LRGUK: variants seen among roughly 807,000 people sequenced by gnomAD.
The protein encoded by LRGUK is leucine-rich repeat and guanylate kinase domain-containing protein.
Under a neutral mutation model 76.0 loss-of-function variants are expected in LRGUK, and 65 were observed. The observed-to-expected ratio is 0.85, with a 90% CI of 0.70 to 1.05. The LOEUF (loss-of-function observed/expected upper bound fraction) is 1.05. Ranked by LOEUF, LRGUK falls within the 50% of genes least tolerant of loss-of-function variation. LRGUK has a pLI of 0.00. For missense variants in LRGUK, 758 were observed against 732.8 expected (o/e 1.03, Z -0.40); for synonymous variants, 268 against 265.6 (o/e 1.01, Z -0.09).
chr7:134,195,448 A>T (rs1395014384), intron 12 of LRGUK, among the ~76,000 whole-genome samples: 1 of 152,202 alleles, frequency 6.6e-6, no homozygotes, highest in Admixed American at 6.5e-5. Context: ...TAGAAGCAAG[A>T]TGGAGTCAGT....
intron 4 of LRGUK, among the ~76,000 whole-genome samples, chr7:134,146,760 G>C (rs1440941942): frequency 2.0e-5 from 3 of 152,070 alleles, no homozygotes; most frequent in Admixed American, 1.3e-4. Flanking sequence ...AAAGGGTTTA[G>C]TATTTAATGT....
chr7:134,265,048 G>A (rs1243661122), downstream of LRGUK, among the ~76,000 whole-genome samples: 2 of 152,030 alleles, frequency 1.3e-5, no homozygotes, highest in African/African-American at 4.8e-5. Context: ...TTCCTTTCTT[G>A]GGGTTGGTGA....
intron 11 of LRGUK, among the ~76,000 whole-genome samples, chr7:134,184,223 T>C (rs952670338): frequency 5.3e-5 from 8 of 152,156 alleles, no homozygotes; most frequent in Admixed American, 4.6e-4. Context: ...CTCCTGGCAA[T>C]AGAAGAACTT....
chr7:134,231,504 G>GTTCCTTCCTTCCTCCC (rs1346621530), intron 16 of LRGUK, among the ~76,000 whole-genome samples: 4 of 98,230 alleles, frequency 4.1e-5, no homozygotes, highest in African/African-American at 1.2e-4. Context: ...TCCTTCCTTC[G>GTTCCTTCCTTCCTCCC]TTCCTTCCTT....
chr7:134,213,084 C>T (rs898022275), downstream of LRGUK, among the ~76,000 whole-genome samples: 4 of 152,120 alleles, frequency 2.6e-5, no homozygotes, highest in Non-Finnish European at 5.9e-5. Flanking sequence ...AAGAAGGAAC[C>T]ACGTACGCCT....
At chr7:134,153,556 C>T (rs1368041482) in intron 5 of LRGUK, among the ~76,000 whole-genome samples, 1 of 152,050 alleles carries the variant, frequency 6.6e-6, no homozygotes, top group Non-Finnish European at 1.5e-5. Flanking sequence ...ATTTTAGAGA[C>T]CATCTAGTGC....
At chr7:134,242,165 C>T (rs1217237762) in intron 16 of LRGUK, among the ~76,000 whole-genome samples, 1 of 152,028 alleles carries the variant, frequency 6.6e-6, no homozygotes, top group Non-Finnish European at 1.5e-5. Context: ...AGAGCAAACA[C>T]ATTCAAAAGC....
the LRGUK span, among the ~76,000 whole-genome samples, chr7:134,272,136 C>G: frequency 2.0e-5 from 3 of 151,966 alleles, no homozygotes; most frequent in African/African-American, 7.2e-5. Context: ...GTGAAATTTG[C>G]TATAGATTTT....
At chr7:134,183,754 C>A in exon 11 of LRGUK, 1 of 1,614,006 alleles carries the variant, frequency 6.2e-7, no homozygotes, top group South Asian at 1.1e-5. Flanking sequence ...AGCCTGGATG[C>A]CCCTTATCCC....
In LRGUK at chr7:134,192,580, G is replaced by A. The variant is rs1800303019; in HGVS notation, c.1431+829G>A. On this transcript the variant is annotated intron_variant, in intron 12 of 15. Transcript: ENST00000645682. The stretch of plus-strand genomic sequence containing the variant: ...AAAACAACTTATATGTTCCTTCTTG[G>A]CCTTCACATACAAAGGGAACCCTCA... 2.0e-5 allele frequency among the ~76,000 whole-genome samples: 3 copies of A among 151,970 alleles called. No homozygotes were observed. The South Asian group carries it at 6.2e-4, about 32-fold the overall frequency.
chr7:134,207,097 G>A (rs1801040751), intron 15 of LRGUK, among the ~76,000 whole-genome samples: 1 of 152,122 alleles, frequency 6.6e-6, no homozygotes, highest in Non-Finnish European at 1.5e-5. Context: ...AGAAGCTTTA[G>A]CACAGGATTT....
intron 19 of LRGUK, 110 bp from the exon 20 acceptor site, chr7:134,263,735 G>T: frequency 1.3e-5 from 13 of 983,240 alleles, no homozygotes; most frequent in East Asian, 8.0e-5. Context: ...CTTATAGTTT[G>T]TCATGAACGA....
chr7:134,157,977 T>A, intron 5 of LRGUK, 58 bp from the exon 6 acceptor site: 1 of 1,528,142 alleles, frequency 6.5e-7, no homozygotes, highest in East Asian at 2.3e-5. Flanking sequence ...ACACTGATTC[T>A]TTTTTTCTTC....
chr7:134,197,838 CA>C (rs1800570475), intron 13 of LRGUK, among the ~76,000 whole-genome samples: 1 of 152,010 alleles, frequency 6.6e-6, no homozygotes, highest in African/African-American at 2.4e-5. Context: ...AGCTTTATTA[CA>C]TACTTGGAAC....
intron 15 of LRGUK, among the ~76,000 whole-genome samples, chr7:134,206,499 G>A (rs1022680530): frequency 6.6e-6 from 1 of 151,656 alleles, no homozygotes; most frequent in South Asian, 2.1e-4. Flanking sequence ...TGGTGACAGA[G>A]TGAGACTCCA....
intron 5 of LRGUK, among the ~76,000 whole-genome samples, chr7:134,149,759 T>A (rs551781314): frequency 1.3e-5 from 2 of 152,166 alleles, no homozygotes; most frequent in East Asian, 3.9e-4. Flanking sequence ...GTATTTTGAG[T>A]TTGCAAAGAA....
intron 11 of LRGUK, among the ~76,000 whole-genome samples, chr7:134,186,962 C>G (rs1021605477): frequency 1.3e-4 from 20 of 152,162 alleles, no homozygotes; most frequent in African/African-American, 3.4e-4. Flanking sequence ...TCATCCACCT[C>G]CCTCAGAGTT....
intron 6 of LRGUK, among the ~76,000 whole-genome samples, chr7:134,160,254 A>G (rs16874428): frequency 0.12 from 18,528 of 152,156 alleles, 1,427 homozygotes; most frequent in East Asian, 0.32. Context: ...TTCAATTACA[A>G]AATAAATAAT....
intron 16 of LRGUK, among the ~76,000 whole-genome samples, chr7:134,245,269 G>A (rs1398267502): frequency 6.6e-6 from 1 of 152,128 alleles, no homozygotes; most frequent in Non-Finnish European, 1.5e-5. Context: ...ACTGGAATGG[G>A]AACAACCCCT....
Sources: gnomAD v4.1 joint callset for allele counts (sites outside exome capture counted in the v4.1 genomes callset) on GRCh38, gnomAD v4.1.1 for gene constraint, MANE v1.5 for transcripts, NCBI Gene and HGNC (gene_info 2026-07-23, HGNC 2026-07-21) for gene names.